PKHD1: variants seen among roughly 807,000 people sequenced by gnomAD.
PKHD1 encodes PKHD1 ciliary IPT domain containing fibrocystin/polyductin.
In PKHD1, 291 loss-of-function variants were observed where a neutral mutation model predicts 412.0. The ratio of observed to expected loss-of-function variants is 0.71; its 90% CI spans 0.64 to 0.78. The LOEUF is 0.78. PKHD1 is among the 30% of genes least tolerant of loss of function. The pLI, the probability that PKHD1 is intolerant of heterozygous loss-of-function variation, is 0.00. For synonymous variants in PKHD1, 1,777 were observed against 1,821.5 expected, an observed-to-expected ratio of 0.98 and a Z score of 0.62; for missense variants, 4,825 against 4,950.7, an observed-to-expected ratio of 0.97 and a Z score of 0.76.
At chr6:51,842,225 A>G (rs2151589424) in intron 50 of PKHD1, among the ~76,000 whole-genome samples, 1 of 152,268 alleles carries the variant, frequency 6.6e-6, no homozygotes, top group Non-Finnish European at 1.5e-5. Flanking sequence ...CGCCTCACAC[A>G]ATGTCCCAGC....
At chr6:51,911,657 A>G in intron 39 of PKHD1, 142 bp downstream of exon 39, 1 of 722,964 alleles carries the variant, frequency 1.4e-6, no homozygotes. Context: ...AGCATTCTGA[A>G]AACTACAGAA....
intron 37 of PKHD1, among the ~76,000 whole-genome samples, chr6:51,933,825 G>A (rs1339246331): frequency 6.6e-6 from 1 of 152,178 alleles, no homozygotes; most frequent in Non-Finnish European, 1.5e-5. Context: ...CTTGCAAAGG[G>A]GCCGGGAAGT....
At chr6:51,985,644 G>A (rs778893268) in intron 35 of PKHD1, among the ~76,000 whole-genome samples, 3 of 152,026 alleles carry the variant, frequency 2.0e-5, no homozygotes, top group Admixed American at 6.6e-5. Context: ...CAGGAGAATC[G>A]CTTGAACCCA....
intron 36 of PKHD1, 47 bp from the exon 37 acceptor site, chr6:51,934,369 A>G (rs1217083135): frequency 8.4e-7 from 1 of 1,192,476 alleles, no homozygotes; most frequent in Non-Finnish European, 1.3e-6. Context: ...GATAAGGCTT[A>G]CCGTTTTGTC....
chr6:51,628,824 G>T (rs888246050), intron 65 of PKHD1, among the ~76,000 whole-genome samples: 1 of 152,190 alleles, frequency 6.6e-6, no homozygotes, highest in East Asian at 1.9e-4. Context: ...ATACTACAAA[G>T]GTACAGTAAC....
intron 41 of PKHD1, 133 bp downstream of exon 41, chr6:51,906,082 A>T: frequency 1.3e-6 from 1 of 750,302 alleles, no homozygotes; most frequent in Non-Finnish European, 2.3e-6. Flanking sequence ...AGAATGTTTT[A>T]CTGTAGCCCA....
chr6:51,925,725 G>C (rs2127732594), intron 37 of PKHD1, among the ~76,000 whole-genome samples: 1 of 152,028 alleles, frequency 6.6e-6, no homozygotes, highest in South Asian at 2.1e-4. Flanking sequence ...GGTCTTCCTG[G>C]TTCTTACGCC....
intron 60 of PKHD1, among the ~76,000 whole-genome samples, chr6:51,714,201 C>A (rs1228639236): frequency 6.6e-6 from 1 of 152,134 alleles, no homozygotes; most frequent in Non-Finnish European, 1.5e-5. Flanking sequence ...GAAACCCCAT[C>A]TCTATGAAAA....
At chr6:51,855,004 A>G (rs555534528) in intron 49 of PKHD1, among the ~76,000 whole-genome samples, 125 of 152,314 alleles carry the variant, frequency 8.2e-4, no homozygotes, top group Non-Finnish European at 1.5e-3. Flanking sequence ...TCCAGCTGAG[A>G]GGCTGTAAGA....
At chr6:52,033,220 C>T in intron 28 of PKHD1, 55 bp from the exon 29 acceptor site, 2 of 1,387,668 alleles carry the variant, frequency 1.4e-6, no homozygotes, top group East Asian at 2.3e-5. Context: ...GTAGGACTGA[C>T]TTAAGGGAAG....
Position 51,654,567 on chromosome 6 carries a change from C to A in PKHD1, c.11174+4385G>T, listed in dbSNP as rs140627758. Among the ~76,000 whole-genome samples, 595 of 151,868 alleles carry A rather than the reference C, an allele frequency of 3.9e-3. 9 individuals carry two copies. Among genetic ancestry groups the A allele is most frequent in the African/African-American group, 0.014 (573 of 41,448 alleles). On this transcript the variant is annotated intron_variant, in intron 61 of 66. Coordinates refer to ENST00000371117, the MANE Select transcript of PKHD1 (RefSeq NM_138694.4). ...TAAGTTAGTGTCGTCTGATTTTGGA[C>A]TTAGAACTTTTCTGGATGTGGATAT...
chr6:52,011,956 A>C (rs1204594041), intron 34 of PKHD1, among the ~76,000 whole-genome samples: 2 of 152,198 alleles, frequency 1.3e-5, no homozygotes, highest in African/African-American at 4.8e-5. Flanking sequence ...TTTGAAGGCC[A>C]CCGTGCTTAT....
In PKHD1 at chr6:52,060,042, T is replaced by A. The variant is rs1808438292; in HGVS notation, c.1119A>T (p.Arg373Ser). The change falls in exon 15 of 67, where the codon AGA (arginine) becomes AGT (serine). Residue 373 changes from arginine (R) to serine (S), a missense_variant and splice_region_variant. Arg to Ser is a moderately radical substitution (Grantham distance 110, BLOSUM62 -1). Transcript: ENST00000371117. ...GFWSQEGQPF[R>S]ARLSGFFVAP... ...CCACAAAGAACCCACTGAGCCGTGC[T>A]CTGTAAAGTAGAACATAGAGTCAAG... The A allele has an allele frequency of 6.4e-7, 1 of 1,566,434 alleles. No individual in the cohort carries two copies. Among genetic ancestry groups the A allele is most frequent in the East Asian group, 2.2e-5 (1 of 44,640 alleles).
chr6:51,924,728 G>A (rs1302402874), intron 37 of PKHD1, among the ~76,000 whole-genome samples: 2 of 152,160 alleles, frequency 1.3e-5, no homozygotes, highest in Non-Finnish European at 2.9e-5. Context: ...CATGATAAGA[G>A]GAATGATAAA....
intron 60 of PKHD1, among the ~76,000 whole-genome samples, chr6:51,668,924 G>A (rs1352200346): frequency 3.3e-5 from 5 of 152,198 alleles, no homozygotes; most frequent in African/African-American, 7.2e-5. Flanking sequence ...TAAGCTGTTT[G>A]ATGTGCTGCT....
intron 52 of PKHD1, among the ~76,000 whole-genome samples, chr6:51,805,152 G>A (rs898899917): frequency 1.5e-4 from 23 of 152,120 alleles, no homozygotes; most frequent in African/African-American, 5.6e-4. Flanking sequence ...TGGTGGATTG[G>A]ATAAAGAAAC....
chr6:51,873,247 T>C (rs1441331498), intron 46 of PKHD1, among the ~76,000 whole-genome samples: 1 of 152,174 alleles, frequency 6.6e-6, no homozygotes, highest in Non-Finnish European at 1.5e-5. Flanking sequence ...AACTTACAAA[T>C]GATGAAAACA....
At position 52,058,390 on chromosome 6, in the gene PKHD1, A is replaced by C; in HGVS notation, c.1445T>G (p.Val482Gly). 1 of 1,614,170 alleles carries C rather than the reference A, an allele frequency of 6.2e-7. No homozygotes were observed. The highest frequency in any genetic ancestry group is 8.5e-7 in the Non-Finnish European group (1 of 1,180,016). ...CTTCTCCCGTAGGTAAGTGGTGACC[A>C]CATCAGGATTCAGCCAGGTGTTGTG... ...QIHNTWLNPDVVTTYLREKHQ... is the reference protein window; with the variant it reads ...QIHNTWLNPDGVTTYLREKHQ... Residue 482 changes from valine to glycine, a missense_variant, in exon 16 of 67, where the codon GTG (valine) becomes GGG (glycine). Coordinates refer to ENST00000371117, the MANE Select transcript of PKHD1 (RefSeq NM_138694.4).
At chr6:51,817,177 A>T (rs1354273394) in intron 52 of PKHD1, among the ~76,000 whole-genome samples, 1 of 152,040 alleles carries the variant, frequency 6.6e-6, no homozygotes, top group Non-Finnish European at 1.5e-5. Flanking sequence ...ATTTTTCTCT[A>T]GGAGCATTTA....
Sources: allele counts gnomAD v4.1 joint callset (sites outside exome capture counted in the v4.1 genomes callset), GRCh38; gene constraint gnomAD v4.1.1; transcripts MANE v1.5; gene names NCBI Gene and HGNC (gene_info 2026-07-23, HGNC 2026-07-21).